The following EIF4G2 variants were observed in gnomAD, a reference collection of about 807,000 sequenced individuals.
The protein encoded by EIF4G2 is DAP-5.
A neutral mutation model predicts 117.7 loss-of-function variants in EIF4G2; 8 were observed. That is an observed-to-expected ratio of 0.07 (90% CI 0.04 to 0.12). The LOEUF is 0.12. Among genes scored for constraint, EIF4G2 ranks in the 10% least tolerant of loss-of-function variants. The pLI, the probability that EIF4G2 is intolerant of heterozygous loss-of-function variation, is 1.00. For missense variants in EIF4G2, 812 were observed against 1,086.2 expected (o/e 0.75, Z 3.55); for synonymous variants, 413 against 367.8 (o/e 1.12, Z -1.41).
chr11:10,802,357 G>A lies in EIF4G2; in HGVS notation c.1075C>T (p.Pro359Ser). ...GGGTCCCTATCCATTTTCATCCTGGGTGGCATGAACGGTCCCTCCAGAAAG... is the reference window on the plus strand; with the variant it reads ...GGGTCCCTATCCATTTTCATCCTGGATGGCATGAACGGTCCCTCCAGAAAG... The change falls in exon 12 of 22, where the codon CCC (proline) becomes TCC (serine). Residue 359 changes from proline (P) to serine (S), a missense_variant. Physicochemically the swap from Pro to Ser is moderately conservative, Grantham distance 74. Coordinates refer to ENST00000339995, the MANE Select transcript of EIF4G2 (RefSeq NM_001418.4). The A allele has an allele frequency of 1.9e-6, 3 of 1,613,946 alleles. No individual in the cohort carries two copies. The highest frequency in any genetic ancestry group is 2.5e-6 in the Non-Finnish European group (3 of 1,179,986).
At chr11:10,798,276 A>T (rs1387395644) in intron 21 of EIF4G2, among the ~76,000 whole-genome samples, 1 of 152,234 alleles carries the variant, frequency 6.6e-6, no homozygotes, top group Non-Finnish European at 1.5e-5. Flanking sequence ...TCTTCAGGTG[A>T]TTTGAGAGAA....
chr11:10,804,430 G>A lies in EIF4G2; in HGVS notation c.352-12C>T, dbSNP rs780100884. The A allele has an allele frequency of 3.2e-6, 5 of 1,566,016 alleles. No individual in the cohort carries two copies. The Admixed American group carries it at 8.2e-5, about 26-fold the overall frequency. On this transcript the variant is annotated splice_polypyrimidine_tract_variant and intron_variant, in intron 5 of 21. Transcript: ENST00000339995. ...GCTTTGTCCACAATCTACAGAAAAT[G>A]TCATTGCTTAAACTAAATATGAAAA...
intron 1 of EIF4G2, 189 bp downstream of exon 1, chr11:10,808,516 G>A: frequency 1.6e-6 from 2 of 1,212,330 alleles, no homozygotes; most frequent in Admixed American, 3.2e-5. Context: ...CTTCTACTCC[G>A]TCAGCAACAG....
In EIF4G2 at chr11:10,799,070, A is replaced by G. The variant is rs780285011; in HGVS notation, c.2580T>C (p.Ile860=). ...AAGCCAAGAAAGCTTCTTCTTCAAT[A>G]ATTTCCATGTCATAGAAGTGCACAA... Residue 860 remains isoleucine, a synonymous_variant, in exon 21 of 22, where the codon ATT becomes ATC. Transcript: ENST00000339995. The G allele has an allele frequency of 1.3e-5, 21 of 1,612,410 alleles. No homozygotes were observed. Among genetic ancestry groups the G allele is most frequent in the Non-Finnish European group, 1.7e-5 (20 of 1,179,556 alleles).
intron 13 of EIF4G2, 41 bp from the exon 14 acceptor site, chr11:10,801,815 G>C (rs772996357): frequency 2.8e-5 from 44 of 1,572,674 alleles, no homozygotes; most frequent in Middle Eastern, 3.3e-4. Context: ...ATAAAAAGGG[G>C]TCCACAAATT....
At chr11:10,799,947 T>G in intron 18 of EIF4G2, 143 bp downstream of exon 18, 1 of 1,172,416 alleles carries the variant, frequency 8.5e-7, no homozygotes, top group South Asian at 1.5e-5. Context: ...AAATCTCTCT[T>G]TATAGGTGAG....
chr11:10,806,841 T>G lies in EIF4G2; in HGVS notation c.86A>C (p.Tyr29Ser). The change falls in exon 3 of 22, where the codon TAT becomes TCT. Residue 29 changes from tyrosine (Y) to serine (S), a missense_variant. Physicochemically the swap from Tyr to Ser is moderately radical, Grantham distance 144. This residue lies in a region of EIF4G2 where 79 missense variants were observed against 91.5 expected (regional missense o/e 0.86). Transcript: ENST00000339995. ...ACACCTGTTGCCAGCAGTCTTGGGATAGTGCTGAGGTGCACCCCTACTTCC... is the reference window on the plus strand; with the variant it reads ...ACACCTGTTGCCAGCAGTCTTGGGAGAGTGCTGAGGTGCACCCCTACTTCC... The G allele has an allele frequency of 6.2e-7, 1 of 1,614,222 alleles. No homozygotes were observed. Among genetic ancestry groups the G allele is most frequent in the East Asian group, 2.2e-5 (1 of 44,888 alleles).
intron 1 of EIF4G2, chr11:10,808,142 C>T (rs1387067285): frequency 1.8e-6 from 2 of 1,092,942 alleles, no homozygotes; most frequent in African/African-American, 3.5e-5. Context: ...CGGGCCCCCT[C>T]CTGCACCATA....
intron 13 of EIF4G2, 99 bp downstream of exon 13, chr11:10,801,950 T>C: frequency 4.1e-6 from 2 of 483,260 alleles, no homozygotes; most frequent in Non-Finnish European, 4.9e-6. Context: ...AGTGATGTGA[T>C]TTTACTAATA....
At chr11:10,804,240 A>G (rs767013975) in intron 6 of EIF4G2, 37 bp from the exon 7 acceptor site, 53 of 1,612,856 alleles carry the variant, frequency 3.3e-5, no homozygotes, top group Non-Finnish European at 4.2e-5. Context: ...TATTAAGGAA[A>G]TTTTTCAAGT....
In EIF4G2 at chr11:10,804,141, A is replaced by G. The variant is rs149651596; in HGVS notation, c.546T>C (p.Val182=). The G allele has an allele frequency of 2.5e-5, 41 of 1,614,090 alleles. No individual in the cohort carries two copies. Among genetic ancestry groups the G allele is most frequent in the East Asian group, 4.5e-5 (2 of 44,894 alleles). ...ATTATCAGCTATAAGTCTTACCATC[A>G]ACATTTCTAGTTCGGTTTTCAAATT... The change falls in exon 7 of 22, where the codon GTT becomes GTC. Residue 182 remains valine (V), a synonymous_variant. Coordinates refer to ENST00000339995, the MANE Select transcript of EIF4G2 (RefSeq NM_001418.4).
At chr11:10,799,167 G>GT (rs1847348397) in intron 20 of EIF4G2, 46 bp downstream of exon 20, 11 of 1,607,460 alleles carry the variant, frequency 6.8e-6, no homozygotes, top group Non-Finnish European at 9.4e-6. Flanking sequence ...TTAGTGTTCT[G>GT]TTTAAGAACT....
At chr11:10,804,623 C>T in intron 5 of EIF4G2, 4 of 671,788 alleles carry the variant, frequency 6.0e-6, no homozygotes, top group South Asian at 2.3e-5. Flanking sequence ...AACTGTCATA[C>T]AATGCATTTC....
chr11:10,802,726 G>A (rs958595862), intron 11 of EIF4G2, among the ~76,000 whole-genome samples: 6 of 152,146 alleles, frequency 3.9e-5, no homozygotes, highest in Non-Finnish European at 8.8e-5. Flanking sequence ...AATTAGCGGG[G>A]TGTGGTGGCG....
In EIF4G2 at chr11:10,803,397, G is replaced by A; in HGVS notation, c.813+83C>T. ...ATAACCCAGTTAATGGCTAAATATGGCAATCCCTTATGATGTCACAAAAAT... is the reference window on the plus strand; with the variant it reads ...ATAACCCAGTTAATGGCTAAATATGACAATCCCTTATGATGTCACAAAAAT... On this transcript the variant is annotated intron_variant, in intron 9 of 21. Coordinates refer to ENST00000339995, the MANE Select transcript of EIF4G2 (RefSeq NM_001418.4). This position sits in a 1 kb window ranked among gnomAD's most constrained non-coding sequence, Gnocchi z 4.0. 1 of 1,550,632 alleles carries A rather than the reference G, an allele frequency of 6.4e-7. No homozygotes were observed. Among genetic ancestry groups the A allele is most frequent in the South Asian group, 1.1e-5 (1 of 88,840 alleles).
intron 2 of EIF4G2, 55 bp downstream of exon 2, chr11:10,807,197 AACT>A: frequency 6.4e-7 from 1 of 1,568,426 alleles, no homozygotes; most frequent in East Asian, 2.2e-5. Context: ...TTGCTGTGTT[AACT>A]ACTTTTTGAG....
Position 10,808,276 on chromosome 11 carries a change from C to T in EIF4G2, c.-87+429G>A, listed in dbSNP as rs1847652321. 5 of 1,217,366 alleles carry T rather than the reference C, an allele frequency of 4.1e-6. No homozygotes were observed. In the African/African-American group the frequency reaches 6.6e-5, roughly 16 times the overall value. The allele number at this position is 1,217,366 out of a possible 1,614,324, so 75.4% of individuals were successfully genotyped here. A position where few individuals can be genotyped will look rare whatever the true frequency, so the allele number is the denominator to read the frequency against. ...CCCTGCCGACTCCAGGTCCTACACA[C>T]CTCCCCGCCGGGAGGCCAGGCTCCG... On this transcript the variant is annotated intron_variant, in intron 1 of 21. Coordinates refer to ENST00000339995, the MANE Select transcript of EIF4G2 (RefSeq NM_001418.4).
Position 10,803,285 on chromosome 11 carries a change from C to A in EIF4G2, c.823G>T (p.Asp275Tyr). 1.2e-6 allele frequency: 2 copies of A among 1,613,264 alleles called. No individual in the cohort carries two copies. Among genetic ancestry groups the A allele is most frequent in the South Asian group, 2.2e-5 (2 of 90,734 alleles). Residue 275 changes from aspartate to tyrosine, a missense_variant, in exon 10 of 22, where the codon GAT (aspartate) becomes TAT (tyrosine). Asp to Tyr is a radical substitution (Grantham distance 160). Coordinates refer to ENST00000339995, the MANE Select transcript of EIF4G2 (RefSeq NM_001418.4). The surrounding 1 kb of genome is among the most constrained non-coding windows in gnomAD (Gnocchi z 4.0). ...GAGCACATTCGGGCAAAGTACTGAT[C>A]CATTAAGGACTGATAAGAGAAGAAT...
intron 4 of EIF4G2, among the ~76,000 whole-genome samples, chr11:10,805,279 T>C (rs145915177): frequency 5.1e-4 from 77 of 152,282 alleles, no homozygotes; most frequent in Non-Finnish European, 9.6e-4. Flanking sequence ...AAGATCTCAT[T>C]ATCAAGGCTA....
Sources: gnomAD v4.1 joint callset for allele counts (sites outside exome capture counted in the v4.1 genomes callset) on GRCh38, gnomAD v4.1.1 for gene constraint, gnomAD v4.1.1 regional missense constraint, Gnocchi (gnomAD v3.1) non-coding constraint, MANE v1.5 for transcripts, NCBI Gene and HGNC (gene_info 2026-07-23, HGNC 2026-07-21) for gene names.